SYTL3: variants seen among roughly 807,000 people sequenced by gnomAD.
SYTL3 encodes synaptotagmin-like protein 3.
In SYTL3, 88 loss-of-function variants were observed where a neutral mutation model predicts 82.1. The ratio of observed to expected loss-of-function variants is 1.07; its 90% CI spans 0.90 to 1.28. The LOEUF (loss-of-function observed/expected upper bound fraction) is 1.28. SYTL3 is among the 50% of genes most tolerant of loss of function. The pLI is 0.00. For missense variants in SYTL3, 831 were observed against 757.6 expected, an observed-to-expected ratio of 1.10 and a Z score of -1.14; for synonymous variants, 311 against 289.4, an observed-to-expected ratio of 1.07 and a Z score of -0.76.
At chr6:158,647,400 T>C (rs1306249384), upstream of SYTL3, among the ~76,000 whole-genome samples, 1 of 152,234 alleles carries the variant, frequency 6.6e-6, no homozygotes, top group African/African-American at 2.4e-5. Flanking sequence ...TCAATACACA[T>C]ATATGGAGCA....
At chr6:158,744,630 G>A in intron 11 of SYTL3, among the ~76,000 whole-genome samples, 1 of 152,094 alleles carries the variant, frequency 6.6e-6, no homozygotes. Flanking sequence ...TCCCATGCTT[G>A]TTTCTTAGTT....
intron 2 of SYTL3, among the ~76,000 whole-genome samples, chr6:158,655,615 G>A (rs1788579896): frequency 6.6e-6 from 1 of 152,244 alleles, no homozygotes; most frequent in African/African-American, 2.4e-5. Flanking sequence ...GTAAGAGTGA[G>A]GCTGCTCTTA....
intron 8 of SYTL3, among the ~76,000 whole-genome samples, chr6:158,713,040 G>A (rs1254898755): frequency 6.6e-6 from 1 of 152,108 alleles, no homozygotes; most frequent in Non-Finnish European, 1.5e-5. Context: ...GATTACAGGC[G>A]TGAGCCACCG....
At chr6:158,748,124 T>C (rs1197115753) in intron 12 of SYTL3, among the ~76,000 whole-genome samples, 1 of 151,710 alleles carries the variant, frequency 6.6e-6, no homozygotes, top group East Asian at 1.9e-4. Context: ...ACAAGCGGAA[T>C]TGATTTTCTA....
At chr6:158,721,090 G>C (rs2128473996) in intron 10 of SYTL3, among the ~76,000 whole-genome samples, 1 of 152,276 alleles carries the variant, frequency 6.6e-6, no homozygotes, top group East Asian at 1.9e-4. Context: ...ACAGTGGGGA[G>C]AGAGCCAATC....
rs772352260 is a variant in SYTL3, at chr6:158,665,369, ATCT to A, written c.111-21_111-19del. On this transcript the variant is annotated intron_variant, in intron 4 of 17. Transcript: ENST00000611299. ...GGGGTCAGGTGTTCCATCTAATACT[ATCT>A]TCTTTAACTCTGAGGGCTGCAGGAA... is the stretch of plus-strand genomic sequence containing the variant. The A allele has an allele frequency of 6.4e-6, 10 of 1,555,606 alleles. No homozygotes were observed. The East Asian group carries it at 1.9e-4, about 30-fold the overall frequency.
At chr6:158,695,767 A>G (rs1780492161) in intron 6 of SYTL3, among the ~76,000 whole-genome samples, 1 of 152,240 alleles carries the variant, frequency 6.6e-6, no homozygotes, top group Non-Finnish European at 1.5e-5. Context: ...TATAAGTGGA[A>G]TCATAATGTA....
chr6:158,704,478 C>T (rs1300112801), intron 6 of SYTL3, among the ~76,000 whole-genome samples: 2 of 152,266 alleles, frequency 1.3e-5, no homozygotes, highest in African/African-American at 4.8e-5. Context: ...TAGCTGGGGT[C>T]TGAGATGTGG....
At chr6:158,646,633 C>T (rs1787484473), upstream of SYTL3, among the ~76,000 whole-genome samples, 1 of 152,194 alleles carries the variant, frequency 6.6e-6, no homozygotes, top group Non-Finnish European at 1.5e-5. Flanking sequence ...GCTGCTTGGC[C>T]CTGGGTGTTC....
chr6:158,732,280 C>T (rs1048037899), intron 11 of SYTL3, among the ~76,000 whole-genome samples: 9 of 152,190 alleles, frequency 5.9e-5, no homozygotes, highest in African/African-American at 2.2e-4. Context: ...CCATCAATCA[C>T]TCCTCCCAAG....
chr6:158,676,103 C>A (rs1486287990), intron 5 of SYTL3, among the ~76,000 whole-genome samples: 1 of 152,182 alleles, frequency 6.6e-6, no homozygotes, highest in Admixed American at 6.5e-5. Flanking sequence ...CCAAGTCAAT[C>A]CTAAGCCAAA....
intron 7 of SYTL3, among the ~76,000 whole-genome samples, chr6:158,707,838 T>C (rs907938635): frequency 3.9e-5 from 6 of 152,224 alleles, no homozygotes; most frequent in Non-Finnish European, 7.3e-5. Context: ...GTTTGGCCCA[T>C]GGTGAAATTT....
chr6:158,685,682 G>C (rs1367621421), intron 6 of SYTL3, among the ~76,000 whole-genome samples: 1 of 152,066 alleles, frequency 6.6e-6, no homozygotes, highest in Non-Finnish European at 1.5e-5. Context: ...GCCGGGCATG[G>C]TGGCACCTGC....
chr6:158,672,339 G>A (rs984001268), intron 5 of SYTL3, among the ~76,000 whole-genome samples: 8 of 152,122 alleles, frequency 5.3e-5, no homozygotes, highest in Non-Finnish European at 2.9e-5. Context: ...TATTTTCCAC[G>A]TCATTGCGTA....
At chr6:158,688,033 G>T (rs554465691) in intron 6 of SYTL3, among the ~76,000 whole-genome samples, 46 of 152,264 alleles carry the variant, frequency 3.0e-4, no homozygotes, top group African/African-American at 1.0e-3. Flanking sequence ...ATTGTGATCA[G>T]ACTCTATGTG....
chr6:158,747,790 C>T (rs1787863625), intron 12 of SYTL3, among the ~76,000 whole-genome samples: 2 of 152,064 alleles, frequency 1.3e-5, no homozygotes, highest in Admixed American at 1.3e-4. Flanking sequence ...CCTGGCCTCC[C>T]ATTTTTCTAT....
intron 6 of SYTL3, among the ~76,000 whole-genome samples, chr6:158,700,692 C>G (rs1431093433): frequency 2.0e-5 from 3 of 152,176 alleles, no homozygotes; most frequent in African/African-American, 7.2e-5. Flanking sequence ...TCTTGGCTCA[C>G]TGCAAGGTCC....
intron 8 of SYTL3, among the ~76,000 whole-genome samples, chr6:158,711,102 C>A (rs1204158841): frequency 6.6e-6 from 1 of 152,208 alleles, no homozygotes; most frequent in South Asian, 2.1e-4. Context: ...TTTGTAAGCA[C>A]ATGCTGTCCA....
intron 5 of SYTL3, among the ~76,000 whole-genome samples, 199 bp downstream of exon 5, chr6:158,665,812 C>A (rs994423058): frequency 3.3e-5 from 5 of 151,938 alleles, no homozygotes; most frequent in Non-Finnish European, 5.9e-5. Flanking sequence ...ACATTTTTTT[C>A]ATTTACAGAA....
Sources: gnomAD v4.1 joint callset for allele counts (sites outside exome capture counted in the v4.1 genomes callset) on GRCh38, gnomAD v4.1.1 for gene constraint, MANE v1.5 for transcripts, NCBI Gene and HGNC (gene_info 2026-07-23, HGNC 2026-07-21) for gene names.